Variants in UBA2 observed in about 807,000 individuals in gnomAD.
The protein encoded by UBA2 is ubiquitin like modifier activating enzyme 2, also known as SUMO-activating enzyme subunit 2.
A neutral mutation model predicts 77.2 loss-of-function variants in UBA2; 11 were observed. That is an observed-to-expected ratio of 0.14 (90% CI 0.09 to 0.24). The LOEUF (loss-of-function observed/expected upper bound fraction) is 0.24. Among genes scored for constraint, UBA2 ranks in the 10% least tolerant of loss-of-function variants. The pLI is 1.00. For synonymous variants in UBA2, 278 were observed against 276.7 expected (o/e 1.00, Z -0.05); for missense variants, 487 against 781.7 (o/e 0.62, Z 4.50).
chr19:34,444,941 G>GA (rs1192076096), intron 7 of UBA2, 59 bp from the exon 8 acceptor site: 1 of 1,538,334 alleles, frequency 6.5e-7, no homozygotes, highest in African/African-American at 1.4e-5. Context: ...AAAGGTGAGT[G>GA]AAAAGAGTTC....
At chr19:34,455,697 G>A (rs1269187706) in intron 12 of UBA2, among the ~76,000 whole-genome samples, 1 of 151,994 alleles carries the variant, frequency 6.6e-6, no homozygotes, top group African/African-American at 2.4e-5. Flanking sequence ...AGGCTGGAGT[G>A]CAGTGGCACA....
intron 14 of UBA2, 129 bp downstream of exon 14, chr19:34,460,695 C>T (rs571929803): frequency 3.2e-4 from 209 of 643,270 alleles, no homozygotes; most frequent in Non-Finnish European, 4.8e-4. Context: ...CATGAAGGTG[C>T]TCTTTCAAGG....
intron 12 of UBA2, among the ~76,000 whole-genome samples, chr19:34,457,177 A>ATATATAT (rs1404101062): frequency 2.1e-3 from 142 of 68,408 alleles, no homozygotes; most frequent in South Asian, 2.4e-3. Flanking sequence ...AAAAAAAAAA[A>ATATATAT]AAATATATAT....
rs35033516 is a variant in UBA2, at chr19:34,470,092, T to TA, written c.*888dup. The TA allele has an allele frequency of 0.81, 114,181 of 141,268 alleles. 46,328 individuals are homozygous for TA. Among genetic ancestry groups the TA allele is most frequent in the Non-Finnish European group, 0.88 (56,878 of 64,958 alleles). 8.8% of individuals were successfully genotyped at this position (141,268 alleles called of 1,614,324 possible). A position where few individuals can be genotyped will look rare whatever the true frequency, so the allele number is the denominator to read the frequency against. On this transcript the variant is annotated 3_prime_UTR_variant, in exon 17 of 17. Coordinates refer to ENST00000246548, the MANE Select transcript of UBA2 (RefSeq NM_005499.3). ...CAACATGGTGAAACCCCATCTCTAC[T>TA]AAAAAAAAAAAAAAAAATTAGCCGG... is the stretch of plus-strand genomic sequence containing the variant.
intron 5 of UBA2, among the ~76,000 whole-genome samples, chr19:34,436,357 T>C (rs1167298879): frequency 6.6e-6 from 1 of 152,060 alleles, no homozygotes; most frequent in Non-Finnish European, 1.5e-5. Flanking sequence ...TGCAGTGCAG[T>C]GGCGCGATCT....
intron 10 of UBA2, among the ~76,000 whole-genome samples, chr19:34,454,043 T>G (rs2075531728): frequency 1.3e-5 from 2 of 152,148 alleles, no homozygotes; most frequent in Non-Finnish European, 2.9e-5. Flanking sequence ...TCAGACTCAT[T>G]ACTGGACCAG....
chr19:34,432,724 A>AT (rs1423819576), intron 3 of UBA2, among the ~76,000 whole-genome samples: 1 of 152,026 alleles, frequency 6.6e-6, no homozygotes, highest in East Asian at 1.9e-4. Context: ...CACTCAGCTA[A>AT]TTTTTGTATT....
chr19:34,450,456 T>C (rs2075480835), intron 9 of UBA2, 92 bp downstream of exon 9: 7 of 805,112 alleles, frequency 8.7e-6, no homozygotes, highest in South Asian at 1.9e-5. Flanking sequence ...GAAAATGATA[T>C]GTCTTCATAT....
Position 34,444,996 on chromosome 19 carries a change from A to G in UBA2, c.650-4A>G, listed in dbSNP as rs1452110806. ...TTGAAAATAAAATAATGATCGTTTT[A>G]TAGGGGAACCAACGGAAGCCGAAGC... On this transcript the variant is annotated splice_region_variant and splice_polypyrimidine_tract_variant and intron_variant, in intron 7 of 16. Transcript: ENST00000246548. 58 of 1,610,552 alleles carry G rather than the reference A, an allele frequency of 3.6e-5. No homozygotes were observed. The highest frequency in any genetic ancestry group is 4.8e-5 in the Non-Finnish European group (57 of 1,178,950).
chr19:34,463,096 C>CAA (rs1029404956), intron 14 of UBA2, among the ~76,000 whole-genome samples: 1 of 120,862 alleles, frequency 8.3e-6, no homozygotes, highest in African/African-American at 3.1e-5. Context: ...GACTCTGTCT[C>CAA]AAAAAAAAAA....
chr19:34,441,669 T>A (rs1278957544), intron 6 of UBA2, among the ~76,000 whole-genome samples: 1 of 151,934 alleles, frequency 6.6e-6, no homozygotes, highest in African/African-American at 2.4e-5. Flanking sequence ...GGCAAACATT[T>A]TTTTTCTTTG....
At chr19:34,450,422 C>T in intron 9 of UBA2, 58 bp downstream of exon 9, 2 of 1,189,692 alleles carry the variant, frequency 1.7e-6, no homozygotes, top group Middle Eastern at 2.0e-4. Flanking sequence ...CGCGTAAAGT[C>T]TTTGTATAGC....
At chr19:34,451,536 GTTTTTTTTTTTTT>G (rs773178552) in intron 9 of UBA2, among the ~76,000 whole-genome samples, 15 of 62,944 alleles carry the variant, frequency 2.4e-4, no homozygotes, top group Non-Finnish European at 3.5e-4. Context: ...AGGTTTAACA[GTTTTTTTTTTTTT>G]TTTTTTTTTT....
chr19:34,444,917 T>C (rs1465658716), intron 7 of UBA2, 83 bp from the exon 8 acceptor site: 1 of 1,429,852 alleles, frequency 7.0e-7, no homozygotes, highest in Non-Finnish European at 9.4e-7. Flanking sequence ...ATGAGTGACT[T>C]TCTTTTTATT....
At chr19:34,465,081 A>C (rs546071287) in intron 15 of UBA2, among the ~76,000 whole-genome samples, 1 of 152,256 alleles carries the variant, frequency 6.6e-6, no homozygotes, top group East Asian at 1.9e-4. Flanking sequence ...AGTCTATAGC[A>C]CAGTTAAGAT....
Position 34,443,853 on chromosome 19 carries a change from T to C in UBA2, c.591T>C (p.Phe197=). The change falls in exon 7 of 17, where the codon TTT becomes TTC. Residue 197 remains phenylalanine (F), a synonymous_variant. Transcript: ENST00000246548. The stretch of plus-strand genomic sequence containing the variant: ...TATTCTTAAATTATAGCCAGTTGTT[T>C]GGGGAAGAAGATGCTGATCAAGAAG... The part of the protein sequence containing the change: ...VWAKYLFNQL[F]GEEDADQEVS... 1 of 1,605,560 alleles carries C rather than the reference T, an allele frequency of 6.2e-7. No individual in the cohort carries two copies. The highest frequency in any genetic ancestry group is 1.1e-5 in the South Asian group (1 of 90,934).
chr19:34,442,412 T>TA (rs1377084319), intron 6 of UBA2, among the ~76,000 whole-genome samples: 1 of 152,160 alleles, frequency 6.6e-6, no homozygotes, highest in African/African-American at 2.4e-5. Flanking sequence ...TCATCATAAA[T>TA]AAAAAATACC....
intron 15 of UBA2, among the ~76,000 whole-genome samples, 192 bp downstream of exon 15, chr19:34,464,323 G>A (rs947977500): frequency 4.6e-5 from 7 of 152,224 alleles, no homozygotes; most frequent in Middle Eastern, 3.4e-3. Flanking sequence ...AGAAATTGGC[G>A]GGGTGTGGCG....
chr19:34,467,446 C>T (rs925568060), intron 16 of UBA2, among the ~76,000 whole-genome samples: 1 of 145,988 alleles, frequency 6.8e-6, no homozygotes, highest in African/African-American at 2.6e-5. Context: ...GCAGCCTGGG[C>T]AACAGCAAGA....
Sources: allele counts gnomAD v4.1 joint callset (sites outside exome capture counted in the v4.1 genomes callset), GRCh38; gene constraint gnomAD v4.1.1; transcripts MANE v1.5; gene names NCBI Gene and HGNC (gene_info 2026-07-23, HGNC 2026-07-21).